Variants in KIFC3 observed in about 807,000 individuals in gnomAD.
KIFC3 encodes kinesin-like protein KIFC3.
In KIFC3, 60 loss-of-function variants were observed where a neutral mutation model predicts 101.8. That is an observed-to-expected ratio of 0.59 (90% confidence interval 0.48 to 0.73). The LOEUF (loss-of-function observed/expected upper bound fraction) is 0.73, where lower values mean the gene tolerates loss of function less well. Among genes scored for constraint, KIFC3 ranks in the 30% least tolerant of loss-of-function variants. The pLI, the probability that KIFC3 is intolerant of heterozygous loss-of-function variation, is 0.00. For synonymous variants in KIFC3, 476 were observed against 482.7 expected (o/e 0.99, Z 0.18); for missense variants, 966 against 1,137.1 (o/e 0.85, Z 2.16).
At chr16:57,841,973 G>A (rs895432106) in intron 1 of KIFC3, among the ~76,000 whole-genome samples, 26 of 150,066 alleles carry the variant, frequency 1.7e-4, no homozygotes, top group African/African-American at 6.1e-4. Flanking sequence ...TCACTTCCTC[G>A]GAGAGGCCTT....
intron 3 of KIFC3, among the ~76,000 whole-genome samples, chr16:57,786,914 T>C (rs373065794): frequency 1.3e-5 from 2 of 152,090 alleles, no homozygotes; most frequent in African/African-American, 4.8e-5. Context: ...CCCAACCCGC[T>C]CTAGGAGAGC....
intron 1 of KIFC3, among the ~76,000 whole-genome samples, chr16:57,824,041 G>A (rs782087356): frequency 2.6e-5 from 4 of 152,218 alleles, no homozygotes; most frequent in Admixed American, 6.5e-5. Flanking sequence ...AGTCCTGTCA[G>A]GGAGAGCACG....
At chr16:57,858,375 T>C (rs1596909960) in intron 1 of KIFC3, among the ~76,000 whole-genome samples, 1 of 152,284 alleles carries the variant, frequency 6.6e-6, no homozygotes, top group East Asian at 1.9e-4. Flanking sequence ...AAGCCAATTT[T>C]AGTTTTTTGT....
chr16:57,814,204 C>T (rs1333251382), intron 1 of KIFC3, among the ~76,000 whole-genome samples: 1 of 152,132 alleles, frequency 6.6e-6, no homozygotes, highest in Non-Finnish European at 1.5e-5. Context: ...ATATGCTCCA[C>T]CCACACCCCC....
chr16:57,798,059 A>C lies in KIFC3; in HGVS notation c.172+13T>G. 2 of 1,589,320 alleles carry C rather than the reference A, an allele frequency of 1.3e-6. No homozygotes were observed. Among genetic ancestry groups the C allele is most frequent in the Non-Finnish European group, 1.7e-6 (2 of 1,168,044 alleles). Reference sequence around the variant, plus strand: ...AAGGGAAATAAAGAGGCATTTTAAAAATGCGGACTCACCAGTTCTCAACCT... The same window carrying C: ...AAGGGAAATAAAGAGGCATTTTAAACATGCGGACTCACCAGTTCTCAACCT... On this transcript the variant is annotated intron_variant, in intron 2 of 19. Coordinates refer to ENST00000445690, the MANE Select transcript of KIFC3 (RefSeq NM_001130100.2).
chr16:57,807,383 C>T (rs924621499), upstream of KIFC3, among the ~76,000 whole-genome samples: 12 of 152,130 alleles, frequency 7.9e-5, no homozygotes, highest in African/African-American at 2.4e-4. Flanking sequence ...GCACAAGGCT[C>T]ACAGCTGCAA....
At chr16:57,805,698 C>T (rs937624877), upstream of KIFC3, among the ~76,000 whole-genome samples, 4 of 126,576 alleles carry the variant, frequency 3.2e-5, no homozygotes, top group Admixed American at 2.6e-4. Flanking sequence ...TTTTTTGAGA[C>T]AGAGTCTCAC....
At chr16:57,815,443 C>T in intron 1 of KIFC3, 1 of 1,187,938 alleles carries the variant, frequency 8.4e-7, no homozygotes, top group Admixed American at 3.5e-5. Flanking sequence ...CAAGCATTTT[C>T]CAAAGCCCGA....
At chr16:57,819,179 C>T (rs887053015) in intron 1 of KIFC3, among the ~76,000 whole-genome samples, 5 of 152,184 alleles carry the variant, frequency 3.3e-5, no homozygotes, top group Non-Finnish European at 7.3e-5. Context: ...CCACAAAATC[C>T]GTACTATTGG....
At chr16:57,816,485 G>C (rs1334036837) in intron 1 of KIFC3, 2 of 457,338 alleles carry the variant, frequency 4.4e-6, no homozygotes, top group African/African-American at 2.0e-5. Flanking sequence ...GTGACTCACG[G>C]GCCCTGCTGG....
In KIFC3 at chr16:57,816,792, G is replaced by A. The variant is rs1555628948; in HGVS notation, c.109-18510C>T. On this transcript the variant is annotated intron_variant, in intron 1 of 2. Coordinates refer to the KIFC3 transcript ENST00000563028. ...CACCCCTTCCAGGCAGGAGCTCATG[G>A]GAAACCAAGACCAGGGAACCCATCC... The A allele has an allele frequency of 1.3e-5, 6 of 456,348 alleles. No homozygotes were observed. The Admixed American group carries it at 1.4e-4, about 11-fold the overall frequency. 28.3% of individuals were successfully genotyped at this position (456,348 alleles called of 1,614,324 possible). A position where few individuals can be genotyped will look rare whatever the true frequency, so the allele number is the denominator to read the frequency against.
At chr16:57,803,150 G>A, upstream of KIFC3, 3 of 966,652 alleles carry the variant, frequency 3.1e-6, no homozygotes, top group Non-Finnish European at 4.8e-6. Context: ...TCCCAGCAAG[G>A]AAGCTGCCTG....
At position 57,765,469 on chromosome 16, in the gene KIFC3, G is replaced by A. The variant is rs373773109; in HGVS notation, c.1502C>T (p.Ser501Leu). The A allele has an allele frequency of 2.5e-5, 40 of 1,580,288 alleles. No individual in the cohort carries two copies. The highest frequency in any genetic ancestry group is 2.3e-4 in the East Asian group (10 of 43,774). ...ELDKVFSPQA[S>L]QQDVFQEVQA... Reference sequence around the variant, plus strand: ...TGGGGCCACACTCACGTCCTGCTGCGAGGCCTGTGGGGAGAAGACCTTGTC... The same window carrying A: ...TGGGGCCACACTCACGTCCTGCTGCAAGGCCTGTGGGGAGAAGACCTTGTC... Residue 501 changes from serine to leucine, a missense_variant, in exon 11 of 20, where the codon TCG becomes TTG. Ser to Leu is a moderately radical substitution (Grantham distance 145, BLOSUM62 -2). Coordinates refer to ENST00000445690, the MANE Select transcript of KIFC3 (RefSeq NM_001130100.2).
intron 1 of KIFC3, among the ~76,000 whole-genome samples, chr16:57,836,936 C>T (rs994700162): frequency 6.6e-6 from 1 of 152,160 alleles, no homozygotes; most frequent in Admixed American, 6.5e-5. Context: ...TAAAGTGATA[C>T]TTCTGCTTTG....
At chr16:57,822,665 C>G (rs1421045404) in intron 1 of KIFC3, among the ~76,000 whole-genome samples, 1 of 151,978 alleles carries the variant, frequency 6.6e-6, no homozygotes, top group Non-Finnish European at 1.5e-5. Flanking sequence ...CCATTGCACT[C>G]CAGCCTGGGC....
intron 1 of KIFC3, among the ~76,000 whole-genome samples, chr16:57,853,946 G>C (rs2056110934): frequency 6.6e-6 from 1 of 150,818 alleles, no homozygotes; most frequent in Admixed American, 6.6e-5. Context: ...ATTTTTATTT[G>C]ATTATTATTT....
intron 1 of KIFC3, among the ~76,000 whole-genome samples, chr16:57,844,551 T>A (rs1296419419): frequency 4.0e-5 from 6 of 151,632 alleles, no homozygotes; most frequent in African/African-American, 1.5e-4. Context: ...GGGAGGGGGA[T>A]TGGAGTTCAG....
At chr16:57,834,020 G>A (rs1275349690) in intron 1 of KIFC3, among the ~76,000 whole-genome samples, 13 of 151,590 alleles carry the variant, frequency 8.6e-5, no homozygotes, top group African/African-American at 2.7e-4. Context: ...GTGCCACCAC[G>A]CCCGGCTACT....
At chr16:57,792,244 A>C (rs2053939060) in intron 3 of KIFC3, among the ~76,000 whole-genome samples, 2 of 152,294 alleles carry the variant, frequency 1.3e-5, no homozygotes, top group South Asian at 4.1e-4. Flanking sequence ...CAGCATCCCC[A>C]GATAGCCCTG....
Sources: gnomAD v4.1 joint callset for allele counts (sites outside exome capture counted in the v4.1 genomes callset) on GRCh38, gnomAD v4.1.1 for gene constraint, MANE v1.5 for transcripts, NCBI Gene and HGNC (gene_info 2026-07-23, HGNC 2026-07-21) for gene names.